Variants in ATG4C observed in about 807,000 individuals in gnomAD.
The protein encoded by ATG4C is cysteine protease ATG4C.
ATG4C carries 56 observed loss-of-function variants against 57.6 expected under a neutral mutation model. That is an observed-to-expected ratio of 0.97 (90% CI 0.78 to 1.21). The LOEUF (loss-of-function observed/expected upper bound fraction) is 1.21. Among genes scored for constraint, ATG4C ranks in the 50% most tolerant of loss-of-function variants. The pLI, the probability that ATG4C is intolerant of heterozygous loss-of-function variation, is 0.00. For synonymous variants in ATG4C, 157 were observed against 174.1 expected, an observed-to-expected ratio of 0.90 and a Z score of 0.78; for missense variants, 595 against 529.8, an observed-to-expected ratio of 1.12 and a Z score of -1.21.
chr1:62,801,740 C>G (rs956086966), intron 1 of ATG4C, among the ~76,000 whole-genome samples: 2 of 151,600 alleles, frequency 1.3e-5, no homozygotes, highest in Admixed American at 1.3e-4. Context: ...GGGCGGATCA[C>G]GAGGTCAGGA....
chr1:62,847,644 C>T (rs1666368537), intron 10 of ATG4C, among the ~76,000 whole-genome samples: 1 of 152,024 alleles, frequency 6.6e-6, no homozygotes, highest in Non-Finnish European at 1.5e-5. Context: ...CATAATGGAC[C>T]TAATAGAGTT....
chr1:62,817,374 C>T (rs1665313513), intron 4 of ATG4C, among the ~76,000 whole-genome samples: 1 of 152,134 alleles, frequency 6.6e-6, no homozygotes, highest in African/African-American at 2.4e-5. Context: ...GCAATAGGGT[C>T]TCACTCTGTT....
chr1:62,841,574 G>T (rs778619627), intron 10 of ATG4C, 27 bp downstream of exon 10: 8 of 1,506,720 alleles, frequency 5.3e-6, no homozygotes, highest in Middle Eastern at 1.8e-4. Context: ...TATTATATTT[G>T]TAAATGACCT....
rs549604149 is a variant in ATG4C at position 62,842,075 on chromosome 1, GTTTA to G, written c.1209+533_1209+536del. ...TCTACTTATAGGATCCTTGAAAGAG[GTTTA>G]TTTAACTTCTTCTCATTACATTTAT... On this transcript the variant is annotated intron_variant, in intron 10 of 10. Transcript: ENST00000317868. 1.2e-4 allele frequency among the ~76,000 whole-genome samples: 18 copies of G among 152,126 alleles called. No homozygotes were observed. The East Asian group carries it at 3.5e-3, about 29-fold the overall frequency.
chr1:62,814,029 C>T (rs977570513), intron 3 of ATG4C, among the ~76,000 whole-genome samples: 10 of 152,266 alleles, frequency 6.6e-5, no homozygotes, highest in African/African-American at 2.2e-4. Flanking sequence ...TTGTGGAAGA[C>T]AGTGTGGCGA....
chr1:62,829,779 A>G (rs1665782266), intron 7 of ATG4C, among the ~76,000 whole-genome samples: 1 of 152,182 alleles, frequency 6.6e-6, no homozygotes, highest in Admixed American at 6.5e-5. Flanking sequence ...TTTGGGCACC[A>G]AGACATTCAC....
At chr1:62,820,540 G>A (rs765151099) in intron 5 of ATG4C, among the ~76,000 whole-genome samples, 24 of 151,892 alleles carry the variant, frequency 1.6e-4, no homozygotes, top group Non-Finnish European at 3.2e-4. Flanking sequence ...CATAATCACC[G>A]TTTATAGATA....
intron 10 of ATG4C, among the ~76,000 whole-genome samples, chr1:62,854,382 A>G (rs1329884612): frequency 1.3e-5 from 2 of 149,514 alleles, no homozygotes; most frequent in African/African-American, 2.5e-5. Context: ...GGTTCATGCC[A>G]TTCACCTGCC....
At chr1:62,812,260 A>AG (rs1411688465) in intron 3 of ATG4C, among the ~76,000 whole-genome samples, 1 of 152,182 alleles carries the variant, frequency 6.6e-6, no homozygotes. Context: ...GCACATCAAA[A>AG]AGCTTATGCA....
intron 5 of ATG4C, 132 bp downstream of exon 5, chr1:62,819,467 T>C: frequency 1.5e-6 from 1 of 663,680 alleles, no homozygotes; most frequent in Non-Finnish European, 2.3e-6. Flanking sequence ...AAAGACGCTT[T>C]CATTTGCCAG....
chr1:62,853,178 G>C (rs990050926), intron 10 of ATG4C, among the ~76,000 whole-genome samples: 2 of 152,100 alleles, frequency 1.3e-5, no homozygotes, highest in Non-Finnish European at 2.9e-5. Flanking sequence ...CTAGCATTTA[G>C]TGTTGTTGAG....
intron 1 of ATG4C, among the ~76,000 whole-genome samples, chr1:62,787,482 T>C (rs1339604047): frequency 6.6e-6 from 1 of 152,214 alleles, no homozygotes; most frequent in African/African-American, 2.4e-5. Flanking sequence ...TATACATGCA[T>C]TAGGGAAAAA....
intron 1 of ATG4C, among the ~76,000 whole-genome samples, chr1:62,789,311 G>A (rs958621795): frequency 4.6e-5 from 7 of 152,120 alleles, no homozygotes; most frequent in South Asian, 2.1e-4. Flanking sequence ...TTTTGGTGAT[G>A]AAATTATCTC....
At chr1:62,850,739 C>G (rs902705968) in intron 10 of ATG4C, among the ~76,000 whole-genome samples, 3 of 151,604 alleles carry the variant, frequency 2.0e-5, no homozygotes, top group Non-Finnish European at 4.4e-5. Flanking sequence ...CCTGGGCACC[C>G]TTTATACTTC....
At position 62,855,302 on chromosome 1, in the gene ATG4C, G is replaced by A. The variant is rs187781274; in HGVS notation, c.1210-8690G>A. Among the ~76,000 whole-genome samples, 10 of 152,150 alleles carry A rather than the reference G, an allele frequency of 6.6e-5. No individual in the cohort carries two copies. The East Asian group carries it at 1.9e-3, about 29-fold the overall frequency. Reference sequence around the variant, plus strand: ...GGTTGTATTTCCCCTGCTCTGCTGTGCTGTAAATGGCCTGATGTAGATTAT... The same window carrying A: ...GGTTGTATTTCCCCTGCTCTGCTGTACTGTAAATGGCCTGATGTAGATTAT... On this transcript the variant is annotated intron_variant, in intron 10 of 10. Coordinates refer to ENST00000317868, the MANE Select transcript of ATG4C (RefSeq NM_032852.4).
At chr1:62,784,447 T>G (rs531243407) in intron 1 of ATG4C, among the ~76,000 whole-genome samples, 174 bp downstream of exon 1, 16 of 152,314 alleles carry the variant, frequency 1.1e-4, no homozygotes, top group African/African-American at 3.6e-4. Context: ...TAGTGTCATT[T>G]GTCTTCTAAC....
rs1230436645 is a variant in ATG4C, at chr1:62,820,397, C to T, written c.726-742C>T. 1.1e-4 allele frequency among the ~76,000 whole-genome samples: 16 copies of T among 152,014 alleles called. 1 individual carries two copies. The highest frequency in any genetic ancestry group is 9.8e-4 in the Admixed American group (15 of 15,238). On this transcript the variant is annotated intron_variant, in intron 5 of 10. Coordinates refer to ENST00000317868, the MANE Select transcript of ATG4C (RefSeq NM_032852.4). The stretch of plus-strand genomic sequence containing the variant: ...TTGCAGATGGTACAAAAACAGGATA[C>T]AGGTTGTATTCAGCTTATGGGCATA...
Position 62,864,230 on chromosome 1 carries a change from C to A in ATG4C, c.*71C>A. The A allele has an allele frequency of 8.1e-7, 1 of 1,239,478 alleles. No homozygotes were observed. Among genetic ancestry groups the A allele is most frequent in the Non-Finnish European group, 1.1e-6 (1 of 896,354 alleles). The allele number at this position is 1,239,478 out of a possible 1,614,324, so 76.8% of individuals were successfully genotyped here. A position where few individuals can be genotyped will look rare whatever the true frequency, so the allele number is the denominator to read the frequency against. On this transcript the variant is annotated 3_prime_UTR_variant, in exon 11 of 11. Coordinates refer to ENST00000317868, the MANE Select transcript of ATG4C (RefSeq NM_032852.4). ...GAAAAATGAAGAGAAACAAGTATAT[C>A]TGAAATGTTTATTTTCACAAATATC...
At chr1:62,813,155 C>T (rs1482261818) in intron 3 of ATG4C, among the ~76,000 whole-genome samples, 6 of 152,142 alleles carry the variant, frequency 3.9e-5, no homozygotes, top group South Asian at 2.1e-4. Flanking sequence ...AAAGAGCTCG[C>T]GTAGCCAAGA....
Sources: gnomAD v4.1 joint callset for allele counts (sites outside exome capture counted in the v4.1 genomes callset) on GRCh38, gnomAD v4.1.1 for gene constraint, MANE v1.5 for transcripts, NCBI Gene and HGNC (gene_info 2026-07-23, HGNC 2026-07-21) for gene names.